The following GGA2 variants were observed in gnomAD, a reference collection of about 807,000 sequenced individuals.
GGA2 encodes ADP-ribosylation factor-binding protein GGA2.
A neutral mutation model predicts 79.5 loss-of-function variants in GGA2; 48 were observed. That is an observed-to-expected ratio of 0.60 (90% CI 0.48 to 0.77). The LOEUF (loss-of-function observed/expected upper bound fraction) is 0.77. Ranked by LOEUF, GGA2 falls within the 30% of genes least tolerant of loss-of-function variation. The probability of loss-of-function intolerance (pLI) is 0.00; values close to 1 mark genes in which losing one functional copy is unlikely to be tolerated. For synonymous variants in GGA2, 317 were observed against 302.0 expected (o/e 1.05, Z -0.51); for missense variants, 770 against 774.0 (o/e 0.99, Z 0.06).
chr16:23,471,353 C>T (rs997092367), intron 14 of GGA2, among the ~76,000 whole-genome samples: 2 of 151,970 alleles, frequency 1.3e-5, no homozygotes, highest in Non-Finnish European at 2.9e-5. Flanking sequence ...TAAGGAGTGA[C>T]TCTAATGTTT....
Position 23,495,783 on chromosome 16 carries a change from C to A in GGA2, c.92-5G>T, listed in dbSNP as rs201952580. 2 of 1,596,674 alleles carry A rather than the reference C, an allele frequency of 1.3e-6. No homozygotes were observed. Among genetic ancestry groups the A allele is most frequent in the South Asian group, 1.1e-5 (1 of 90,440 alleles). On this transcript the variant is annotated splice_region_variant and splice_polypyrimidine_tract_variant and intron_variant, in intron 1 of 16. Coordinates refer to ENST00000309859, the MANE Select transcript of GGA2 (RefSeq NM_015044.4). The stretch of plus-strand genomic sequence containing the variant: ...TGCTTGGGTCTGTGGCTTTGTCTGT[C>A]AAATAAATAATAAAGTTAGAGAGTA...
At chr16:23,469,109 C>A in intron 15 of GGA2, 113 bp from the exon 16 acceptor site, 1 of 662,854 alleles carries the variant, frequency 1.5e-6, no homozygotes, top group East Asian at 2.7e-5. Flanking sequence ...GGAAATGGCC[C>A]TCTTAAACGT....
At chr16:23,493,155 A>T (rs939370612) in intron 4 of GGA2, among the ~76,000 whole-genome samples, 2 of 152,186 alleles carry the variant, frequency 1.3e-5, no homozygotes, top group Non-Finnish European at 1.5e-5. Context: ...CTTAAAAGGG[A>T]AATGTGAAAA....
upstream of GGA2, among the ~76,000 whole-genome samples, chr16:23,515,337 C>T (rs1013351713): frequency 6.6e-6 from 1 of 151,500 alleles, no homozygotes; most frequent in African/African-American, 2.4e-5. Flanking sequence ...TGGCTCACGC[C>T]TGTAATCCCA....
At chr16:23,494,943 G>A (rs1015734881) in intron 2 of GGA2, among the ~76,000 whole-genome samples, 2 of 152,056 alleles carry the variant, frequency 1.3e-5, no homozygotes, top group Non-Finnish European at 2.9e-5. Flanking sequence ...AAATTAGCCA[G>A]GCATGGAGGC....
intron 1 of GGA2, among the ~76,000 whole-genome samples, chr16:23,520,785 G>C (rs554052205): frequency 6.6e-6 from 1 of 151,928 alleles, no homozygotes; most frequent in African/African-American, 2.4e-5. Context: ...TATTAATTTC[G>C]CTTTTTTATT....
intron 13 of GGA2, among the ~76,000 whole-genome samples, 168 bp downstream of exon 13, chr16:23,478,200 A>AAAAAAAAAAAAAAAGAAAAAAAGAC (rs767952498): frequency 6.8e-6 from 1 of 148,044 alleles, no homozygotes; most frequent in African/African-American, 2.5e-5. Flanking sequence ...CCCCGTCTCA[A>AAAAAAAAAAAAAAAGAAAAAAAGAC]AAAAAAAAAA....
At chr16:23,497,873 C>T (rs1555500577) in intron 1 of GGA2, among the ~76,000 whole-genome samples, 1 of 152,186 alleles carries the variant, frequency 6.6e-6, no homozygotes. Context: ...GCAGCTCATG[C>T]CTATGATCCC....
At chr16:23,489,871 AG>A (rs1964760956) in intron 5 of GGA2, among the ~76,000 whole-genome samples, 1 of 152,056 alleles carries the variant, frequency 6.6e-6, no homozygotes, top group Admixed American at 6.6e-5. Context: ...GAGAAAAAAC[AG>A]GGGAGAAAAA....
chr16:23,504,295 A>G (rs141916682), intron 1 of GGA2, among the ~76,000 whole-genome samples: 52 of 152,322 alleles, frequency 3.4e-4, no homozygotes, highest in Non-Finnish European at 6.3e-4. Context: ...TGAGGTCTTC[A>G]GTTCCTTGAC....
In GGA2 at chr16:23,475,027, CTTCCTTGGGGACACT is replaced by C; in HGVS notation, c.1312_1326del (p.Ser438_Glu442del). The stretch of plus-strand genomic sequence containing the variant: ...GGAGAGGACTTAGTACCTGGTGGCA[CTTCCTTGGGGACACT>C]TTTCTGCGAAACATAATTCCTACAA... On this transcript the variant is annotated inframe_deletion, in exon 14 of 17. Transcript: ENST00000309859. The C allele has an allele frequency of 1.9e-6, 3 of 1,602,862 alleles. No homozygotes were observed. The highest frequency in any genetic ancestry group is 1.1e-5 in the South Asian group (1 of 88,412).
chr16:23,498,526 G>A (rs1043345809), intron 1 of GGA2, among the ~76,000 whole-genome samples: 6 of 152,128 alleles, frequency 3.9e-5, no homozygotes, highest in Admixed American at 1.3e-4. Context: ...CCAGGACTTC[G>A]TGACAAGCCT....
At chr16:23,487,897 A>C (rs553649882) in intron 6 of GGA2, among the ~76,000 whole-genome samples, 1 of 152,146 alleles carries the variant, frequency 6.6e-6, no homozygotes, top group South Asian at 2.1e-4. Context: ...TAGCCTTCCA[A>C]CACTCCATGA....
chr16:23,491,390 A>G (rs1197905944), intron 5 of GGA2, among the ~76,000 whole-genome samples: 1 of 151,838 alleles, frequency 6.6e-6, no homozygotes, highest in Non-Finnish European at 1.5e-5. Flanking sequence ...CTTTAGTGAC[A>G]TAGGTAGCTT....
chr16:23,511,177 G>C (rs1294758884), upstream of GGA2, among the ~76,000 whole-genome samples: 1 of 151,874 alleles, frequency 6.6e-6, no homozygotes, highest in African/African-American at 2.4e-5. Context: ...TTTTGAGACG[G>C]AGTCTCACTC....
At chr16:23,478,971 A>G in intron 11 of GGA2, 60 bp from the exon 12 acceptor site, 1 of 1,142,994 alleles carries the variant, frequency 8.7e-7, no homozygotes, top group Non-Finnish European at 1.3e-6. Flanking sequence ...CCAGATGAAG[A>G]GTAATGCCAC....
At chr16:23,481,865 C>A (rs1964653169) in intron 9 of GGA2, among the ~76,000 whole-genome samples, 1 of 152,044 alleles carries the variant, frequency 6.6e-6, no homozygotes, top group Admixed American at 6.6e-5. Flanking sequence ...TATGGCTTTT[C>A]TTTTATGTCT....
chr16:23,464,288 CT>C lies in GGA2; in HGVS notation c.*3301del, dbSNP rs1488043947. 1 of 152,158 alleles carries C rather than the reference CT, an allele frequency of 6.6e-6. No homozygotes were observed. The allele number at this position is 152,158 out of a possible 1,614,324, so 9.4% of individuals were successfully genotyped here. On this transcript the variant is annotated 3_prime_UTR_variant, in exon 17 of 17. Coordinates refer to ENST00000309859, the MANE Select transcript of GGA2 (RefSeq NM_015044.4). ...GGAAGATAATAGGAAGAGTAATTAA[CT>C]GCAGCAAAAGGTTAGGACAAAACAT... is the stretch of plus-strand genomic sequence containing the variant.
intron 14 of GGA2, among the ~76,000 whole-genome samples, chr16:23,470,517 C>A (rs527709473): frequency 1.2e-4 from 19 of 152,200 alleles, no homozygotes; most frequent in Non-Finnish European, 2.5e-4. Context: ...AATCCCAGCA[C>A]TTTAGGAGGC....
Sources: gnomAD v4.1 joint callset for allele counts (sites outside exome capture counted in the v4.1 genomes callset) on GRCh38, gnomAD v4.1.1 for gene constraint, MANE v1.5 for transcripts, NCBI Gene and HGNC (gene_info 2026-07-23, HGNC 2026-07-21) for gene names.